Variants in GM2A observed in about 807,000 individuals in gnomAD.
GM2A encodes GM2 ganglioside activator.
Under a neutral mutation model 12.9 loss-of-function variants are expected in GM2A, and 7 were observed. That is an observed-to-expected ratio of 0.54 (90% confidence interval 0.31 to 1.02). GM2A has a LOEUF of 1.02. Ranked by LOEUF, GM2A falls within the 50% of genes least tolerant of loss-of-function variation. GM2A has a pLI of 0.05. For synonymous variants in GM2A, 101 were observed against 96.0 expected (o/e 1.05, Z -0.30); for missense variants, 246 against 241.0 (o/e 1.02, Z -0.14).
intron 2 of GM2A, among the ~76,000 whole-genome samples, chr5:151,262,644 A>G (rs1753817525): frequency 6.6e-6 from 1 of 152,170 alleles, no homozygotes; most frequent in Non-Finnish European, 1.5e-5. Flanking sequence ...TCCTCAAGTG[A>G]TAGGGGGTCA....
In GM2A at chr5:151,268,841, C is replaced by A; in HGVS notation, c.*1390C>A. 1 of 985,186 alleles carries A rather than the reference C, an allele frequency of 1.0e-6. No homozygotes were observed. The highest frequency in any genetic ancestry group is 1.2e-6 in the Non-Finnish European group (1 of 829,674). 61.0% of individuals were successfully genotyped at this position (985,186 alleles called of 1,614,324 possible). ...TGGCTCATGGGTGGCCACGTCACAA[C>A]CTCTGATCTCAGACCGTGCATGCCT... On this transcript the variant is annotated 3_prime_UTR_variant, in exon 4 of 4. Coordinates refer to ENST00000357164, the MANE Select transcript of GM2A (RefSeq NM_000405.5).
At chr5:151,265,088 C>T (rs546636796) in intron 2 of GM2A, among the ~76,000 whole-genome samples, 2 of 151,958 alleles carry the variant, frequency 1.3e-5, no homozygotes, top group South Asian at 2.1e-4. Context: ...CCAACCTAGG[C>T]CCTCTGACTT....
In GM2A at chr5:151,268,550, T is replaced by G. The variant is rs1029092038; in HGVS notation, c.*1099T>G. ...CCATTGATACAAGGCTGCTGAGGCC[T>G]GGTCTCCAGTTGGAAATATAATTAA... is the stretch of plus-strand genomic sequence containing the variant. On this transcript the variant is annotated 3_prime_UTR_variant, in exon 4 of 4. Transcript: ENST00000357164. 66 of 985,144 alleles carry G rather than the reference T, an allele frequency of 6.7e-5. No individual in the cohort carries two copies. In the African/African-American group the frequency reaches 1.1e-3, roughly 16 times the overall value. The allele number at this position is 985,144 out of a possible 1,614,324, so 61.0% of individuals were successfully genotyped here. A position where few individuals can be genotyped will look rare whatever the true frequency, so the allele number is the denominator to read the frequency against.
chr5:151,267,714 C>A lies in GM2A; in HGVS notation c.*263C>A. The A allele has an allele frequency of 7.2e-7, 1 of 1,390,398 alleles. No homozygotes were observed. Among genetic ancestry groups the A allele is most frequent in the Non-Finnish European group, 9.4e-7 (1 of 1,058,310 alleles). 86.1% of individuals were successfully genotyped at this position (1,390,398 alleles called of 1,614,324 possible). ...TGACCACGTTACTCATCCCCGTTAACATTCTCTCTAAAGAGCCTCGTTCAT... is the reference window on the plus strand; with the variant it reads ...TGACCACGTTACTCATCCCCGTTAAAATTCTCTCTAAAGAGCCTCGTTCAT... On this transcript the variant is annotated 3_prime_UTR_variant, in exon 4 of 4. Transcript: ENST00000357164.
intron 1 of GM2A, among the ~76,000 whole-genome samples, 175 bp from the exon 2 acceptor site, chr5:151,259,580 G>A (rs1753753577): frequency 6.6e-6 from 1 of 152,188 alleles, no homozygotes; most frequent in Admixed American, 6.5e-5. Context: ...TATAAAATGA[G>A]TAGGATAAGT....
chr5:151,267,813 CTCT>C lies in GM2A; in HGVS notation c.*364_*366del, dbSNP rs1008960960. ...AATCTTTATGACTCTCTCTCTTTCACTCTTTTTTTTTTTTGTCACTAAGTTAAA... is the reference window on the plus strand; with the variant it reads ...AATCTTTATGACTCTCTCTCTTTCACTTTTTTTTTTTGTCACTAAGTTAAA... On this transcript the variant is annotated 3_prime_UTR_variant, in exon 4 of 4. Transcript: ENST00000357164. 8.7e-7 allele frequency: 1 copy of C among 1,152,926 alleles called. No homozygotes were observed. Among genetic ancestry groups the C allele is most frequent in the African/African-American group, 1.9e-5 (1 of 52,632 alleles). The allele number at this position is 1,152,926 out of a possible 1,614,324, so 71.4% of individuals were successfully genotyped here.
intron 1 of GM2A, among the ~76,000 whole-genome samples, chr5:151,255,949 T>C (rs1463473907): frequency 1.3e-5 from 2 of 152,182 alleles, no homozygotes; most frequent in African/African-American, 4.8e-5. Context: ...CCTGAGACAT[T>C]ATAAAGGTCA....
chr5:151,255,565 T>C (rs553076205), intron 1 of GM2A, among the ~76,000 whole-genome samples: 1 of 152,242 alleles, frequency 6.6e-6, no homozygotes, highest in South Asian at 2.1e-4. Flanking sequence ...ATCTGTAAGA[T>C]GGGTGTGATG....
rs755382727 is a variant in GM2A at position 151,259,845 on chromosome 5, A to G, written c.172A>G (p.Ile58Val). Reference protein sequence around the residue: ...IRSLTLEPDPIIVPGNVTLSV... With the variant: ...IRSLTLEPDPVIVPGNVTLSV... ...AAGCCTGACTCTGGAGCCTGACCCC[A>G]TCATCGTTCCTGGAAATGTGACCCT... is the stretch of plus-strand genomic sequence containing the variant. The change falls in exon 2 of 4, where the codon ATC becomes GTC. Residue 58 changes from isoleucine to valine, a missense_variant. Physicochemically the swap from Ile to Val is conservative, Grantham distance 29 (BLOSUM62 3). Coordinates refer to ENST00000357164, the MANE Select transcript of GM2A (RefSeq NM_000405.5). The G allele has an allele frequency of 3.7e-6, 6 of 1,613,100 alleles. No individual in the cohort carries two copies. The Admixed American group carries it at 8.3e-5, about 22-fold the overall frequency.
In GM2A at chr5:151,267,556, C is replaced by T. The variant is rs1753916475; in HGVS notation, c.*105C>T. ...CCCACTCTCTGCCCCCCTTTAATCC[C>T]CTTTCTACAGTGAGTCCACTACCCT... On this transcript the variant is annotated 3_prime_UTR_variant, in exon 4 of 4. Coordinates refer to ENST00000357164, the MANE Select transcript of GM2A (RefSeq NM_000405.5). 2 of 1,569,824 alleles carry T rather than the reference C, an allele frequency of 1.3e-6. No homozygotes were observed. Among genetic ancestry groups the T allele is most frequent in the Non-Finnish European group, 1.7e-6 (2 of 1,159,960 alleles).
At position 151,267,689 on chromosome 5, in the gene GM2A, T is replaced by G. The variant is rs1361663628; in HGVS notation, c.*238T>G. The G allele has an allele frequency of 6.9e-7, 1 of 1,455,976 alleles. No individual in the cohort carries two copies. The highest frequency in any genetic ancestry group is 2.9e-5 in the East Asian group (1 of 33,956). The allele number at this position is 1,455,976 out of a possible 1,614,324, so 90.2% of individuals were successfully genotyped here. ...TGATAGCCCAGGGCATCTGCTGGGCTGACCACGTTACTCATCCCCGTTAAC... is the reference window on the plus strand; with the variant it reads ...TGATAGCCCAGGGCATCTGCTGGGCGGACCACGTTACTCATCCCCGTTAAC... On this transcript the variant is annotated 3_prime_UTR_variant, in exon 4 of 4. Transcript: ENST00000357164.
chr5:151,259,650 C>A, intron 1 of GM2A, 105 bp from the exon 2 acceptor site: 1 of 1,022,732 alleles, frequency 9.8e-7, no homozygotes, highest in East Asian at 2.5e-5. Context: ...GGGGGTGCCT[C>A]ACCCAAGGTC....
intron 1 of GM2A, among the ~76,000 whole-genome samples, chr5:151,256,372 G>A (rs1405754248): frequency 6.6e-6 from 1 of 152,120 alleles, no homozygotes; most frequent in Non-Finnish European, 1.5e-5. Flanking sequence ...ACCAAGGCAG[G>A]CAAATCACTT....
At chr5:151,255,387 A>G (rs1038574994) in intron 1 of GM2A, among the ~76,000 whole-genome samples, 1 of 152,198 alleles carries the variant, frequency 6.6e-6, no homozygotes, top group African/African-American at 2.4e-5. Flanking sequence ...TTCTGGTAGC[A>G]AAGGGATAGG....
At position 151,267,441 on chromosome 5, in the gene GM2A, A is replaced by G; in HGVS notation, c.572A>G (p.Lys191Arg). The G allele has an allele frequency of 6.2e-7, 1 of 1,614,090 alleles. No homozygotes were observed. The highest frequency in any genetic ancestry group is 8.5e-7 in the Non-Finnish European group (1 of 1,179,952). ...LGCIKIAASLKGI is the reference protein window; with the variant it reads ...LGCIKIAASLRGI The stretch of plus-strand genomic sequence containing the variant: ...TGCATCAAGATCGCTGCCTCTCTAA[A>G]GGGCATATAACATGGCATCTGCCAC... Residue 191 changes from lysine to arginine, a missense_variant, in exon 4 of 4, where the codon AAG (lysine) becomes AGG (arginine). Physicochemically the swap from Lys to Arg is conservative, Grantham distance 26 (BLOSUM62 2). Coordinates refer to ENST00000357164, the MANE Select transcript of GM2A (RefSeq NM_000405.5).
intron 2 of GM2A, among the ~76,000 whole-genome samples, chr5:151,264,435 G>T (rs1026793902): frequency 6.6e-6 from 1 of 152,200 alleles, no homozygotes; most frequent in African/African-American, 2.4e-5. Flanking sequence ...CCAGCCTGGT[G>T]GGAGGAGCCC....
chr5:151,267,610 T>A lies in GM2A; in HGVS notation c.*159T>A. On this transcript the variant is annotated 3_prime_UTR_variant, in exon 4 of 4. Coordinates refer to ENST00000357164, the MANE Select transcript of GM2A (RefSeq NM_000405.5). ...TGAAAATCATTTTGTACCACTTACA[T>A]TTTAGGCTGGGGCAAGCAGCCCTGA... 6.5e-7 allele frequency: 1 copy of A among 1,528,972 alleles called. No individual in the cohort carries two copies. The highest frequency in any genetic ancestry group is 1.4e-5 in the African/African-American group (1 of 72,994). 94.7% of individuals were successfully genotyped at this position (1,528,972 alleles called of 1,614,324 possible). A position where few individuals can be genotyped will look rare whatever the true frequency, so the allele number is the denominator to read the frequency against.
At chr5:151,253,389 G>A in intron 1 of GM2A, 92 bp downstream of exon 1, 2 of 861,538 alleles carry the variant, frequency 2.3e-6, no homozygotes, top group Non-Finnish European at 1.9e-6. Context: ...TGGCCACTCC[G>A]TTCTCTAGAA....
intron 3 of GM2A, 22 bp from the exon 4 acceptor site, chr5:151,267,274 C>A: frequency 6.2e-7 from 1 of 1,614,040 alleles, no homozygotes. Flanking sequence ...CACTGACTGG[C>A]GGTCCACTGG....
Sources: allele counts gnomAD v4.1 joint callset (sites outside exome capture counted in the v4.1 genomes callset), GRCh38; gene constraint gnomAD v4.1.1; transcripts MANE v1.5; gene names NCBI Gene and HGNC (gene_info 2026-07-23, HGNC 2026-07-21).